ARHGEF40: variants seen among roughly 807,000 people sequenced by gnomAD.
The protein encoded by ARHGEF40 is Rho guanine nucleotide exchange factor (GEF) 40.
Under a neutral mutation model 165.9 loss-of-function variants are expected in ARHGEF40, and 98 were observed. The observed-to-expected ratio is 0.59, with a 90% CI of 0.50 to 0.70. ARHGEF40 has a LOEUF of 0.70. Among genes scored for constraint, ARHGEF40 ranks in the 30% least tolerant of loss-of-function variants. The probability of loss-of-function intolerance (pLI) is 0.00; values close to 1 mark genes in which losing one functional copy is unlikely to be tolerated. For missense variants in ARHGEF40, 1,815 were observed against 1,968.0 expected (o/e 0.92, Z 1.47); for synonymous variants, 792 against 814.3 (o/e 0.97, Z 0.47).
At position 21,085,798 on chromosome 14, in the gene ARHGEF40, C is replaced by T. The variant is rs770499257; in HGVS notation, c.4070C>T (p.Pro1357Leu). The change falls in exon 19 of 24, where the codon CCA (proline) becomes CTA (leucine). Residue 1357 changes from proline (P) to leucine (L), a missense_variant. By Grantham distance (98) the Pro-to-Leu change is moderately conservative (BLOSUM62 -3). Coordinates refer to ENST00000298694, the MANE Select transcript of ARHGEF40 (RefSeq NM_018071.5). The part of the protein sequence containing the change: ...REAYTLQATS[P>L]EIKLKWTSSI... ...GCATACACTCTGCAGGCAACCTCAC[C>T]AGAGATCAAACTCAAGTGGACAAGT... 1 of 1,614,200 alleles carries T rather than the reference C, an allele frequency of 6.2e-7. No individual in the cohort carries two copies. The highest frequency in any genetic ancestry group is 8.5e-7 in the Non-Finnish European group (1 of 1,180,054).
In ARHGEF40 at chr14:21,075,620, C is replaced by T. The variant is rs113362065; in HGVS notation, c.1619-25C>T. 4.3e-6 allele frequency: 7 copies of T among 1,614,050 alleles called. No individual in the cohort carries two copies. The highest frequency in any genetic ancestry group is 1.7e-4 in the Middle Eastern group (1 of 6,056). On this transcript the variant is annotated intron_variant, in intron 4 of 23. Transcript: ENST00000298694. This position sits in a 1 kb window ranked among gnomAD's most constrained non-coding sequence, Gnocchi z 4.5. The stretch of plus-strand genomic sequence containing the variant: ...AGGCATGGACTGCTCCCAGCCAGGA[C>T]AGCCTGGCCATTTTGTGTCTTCAGG...
In ARHGEF40 at chr14:21,085,752, C is replaced by T. The variant is rs767625615; in HGVS notation, c.4024C>T (p.Arg1342Trp). 7.4e-6 allele frequency: 12 copies of T among 1,614,048 alleles called. No homozygotes were observed. In the Admixed American group the frequency reaches 1.5e-4, roughly 20 times the overall value. ...DSGLCFELWF[R>W]RRRAREAYTL... ...CGGACTCTGCTTTGAGTTGTGGTTT[C>T]GGCGGCGGCGTGCACGAGAGGCATA... Residue 1342 changes from arginine (R) to tryptophan (W), a missense_variant, in exon 19 of 24, where the codon CGG (arginine) becomes TGG (tryptophan). Physicochemically the swap from Arg to Trp is moderately radical, Grantham distance 101 (BLOSUM62 -3). Transcript: ENST00000298694.
Position 21,084,751 on chromosome 14 carries a change from A to C in ARHGEF40, c.3790-2A>C. On this transcript the variant is annotated splice_acceptor_variant, in intron 17 of 23. Coordinates refer to ENST00000298694, the MANE Select transcript of ARHGEF40 (RefSeq NM_018071.5). LOFTEE classifies it high-confidence loss of function. ...AACCACTTTTCCTTTTCCTTTCTCC[A>C]GATAGATCTGAAGGAGCAGGGACAG... 1 of 1,612,048 alleles carries C rather than the reference A, an allele frequency of 6.2e-7. No homozygotes were observed. The highest frequency in any genetic ancestry group is 2.2e-5 in the East Asian group (1 of 44,880).
chr14:21,088,694 A>G (rs1888579847), intron 22 of ARHGEF40, 136 bp from the exon 23 acceptor site: 2 of 934,724 alleles, frequency 2.1e-6, no homozygotes, highest in Non-Finnish European at 3.1e-6. Context: ...TAAAAAAATA[A>G]AAGTAAATAG....
chr14:21,070,995 CT>C lies in ARHGEF40; in HGVS notation c.3+598del. ...AGCTGCCTCAGGATAGTTGGGGGTG[CT>C]TGGGGGGGAGCTCACAGTACCAGGG... is the stretch of plus-strand genomic sequence containing the variant. On this transcript the variant is annotated intron_variant, in intron 1 of 23. Transcript: ENST00000298694. The surrounding 1 kb of genome is among the most constrained non-coding windows in gnomAD (Gnocchi z 4.7). 1 of 853,242 alleles carries C rather than the reference CT, an allele frequency of 1.2e-6. No homozygotes were observed. The allele number at this position is 853,242 out of a possible 1,614,324, so 52.9% of individuals were successfully genotyped here.
rs1470553723 is a variant in ARHGEF40 at position 21,075,752 on chromosome 14, C to T, written c.1726C>T (p.His576Tyr). 10 of 1,613,422 alleles carry T rather than the reference C, an allele frequency of 6.2e-6. No homozygotes were observed. The highest frequency in any genetic ancestry group is 8.5e-6 in the Non-Finnish European group (10 of 1,179,894). The stretch of plus-strand genomic sequence containing the variant: ...GCTGAACACAACTCTTCATTACCTC[C>T]ACTCACTGCTCAGGTAACCGAGGCC... ...DTLNTTLHYLHSLLRPDLQTL... is the reference protein window; with the variant it reads ...DTLNTTLHYLYSLLRPDLQTL... Residue 576 changes from histidine to tyrosine, a missense_variant, in exon 5 of 24, where the codon CAC becomes TAC. His to Tyr is a moderately conservative substitution (Grantham distance 83). Transcript: ENST00000298694. This position sits in a 1 kb window ranked among gnomAD's most constrained non-coding sequence, Gnocchi z 4.5.
At chr14:21,080,578 G>A in intron 11 of ARHGEF40, 82 bp from the exon 12 acceptor site, 1 of 1,472,674 alleles carries the variant, frequency 6.8e-7, no homozygotes, top group Admixed American at 2.0e-5. Flanking sequence ...ATAGATTGGG[G>A]TGGTGGGGCT....
At position 21,079,162 on chromosome 14, in the gene ARHGEF40, T is replaced by C. The variant is rs995777629; in HGVS notation, c.2373+152T>C. On this transcript the variant is annotated intron_variant, in intron 11 of 23. Transcript: ENST00000298694. ...TCACATTTGTTGGTCAGTGTGAGAT[T>C]GAACAAGAGGGTGGGAGCATCATAG... 8 of 1,108,272 alleles carry C rather than the reference T, an allele frequency of 7.2e-6. No individual in the cohort carries two copies. In the Admixed American group the frequency reaches 1.1e-4, roughly 15 times the overall value. 68.7% of individuals were successfully genotyped at this position (1,108,272 alleles called of 1,614,324 possible).
In ARHGEF40 at chr14:21,074,956, G is replaced by C; in HGVS notation, c.1226G>C (p.Ser409Thr). 1 of 1,608,722 alleles carries C rather than the reference G, an allele frequency of 6.2e-7. No homozygotes were observed. The highest frequency in any genetic ancestry group is 8.5e-7 in the Non-Finnish European group (1 of 1,177,996). ...AGCCCTGGGGACAAGGAAGATGCCA[G>C]CCACCAAGAAGCCCTTGGCAATCTG... ...PLSPGDKEDA[S>T]HQEALGNLPS... is the part of the protein sequence containing the mutation. The change falls in exon 3 of 24, where the codon AGC (serine) becomes ACC (threonine). Residue 409 changes from serine to threonine, a missense_variant. Transcript: ENST00000298694. The surrounding 1 kb of genome is among the most constrained non-coding windows in gnomAD (Gnocchi z 4.8).
At chr14:21,079,186 A>G (rs1300725298) in intron 11 of ARHGEF40, among the ~76,000 whole-genome samples, 176 bp downstream of exon 11, 1 of 152,210 alleles carries the variant, frequency 6.6e-6, no homozygotes, top group Non-Finnish European at 1.5e-5. Context: ...GGAGCATCAT[A>G]GCACCAGTAA....
upstream of ARHGEF40, among the ~76,000 whole-genome samples, chr14:21,066,834 C>G (rs1279787575): frequency 6.6e-6 from 1 of 152,062 alleles, no homozygotes; most frequent in Non-Finnish European, 1.5e-5. Flanking sequence ...CAAATAAAAC[C>G]AAAACCAATG....
rs578098495 is a variant in ARHGEF40, at chr14:21,082,738, A to T, written c.3487-93A>T. 59 of 1,349,244 alleles carry T rather than the reference A, an allele frequency of 4.4e-5. 1 individual carries two copies. In the Admixed American group the frequency reaches 4.9e-4, roughly 11 times the overall value. 83.6% of individuals were successfully genotyped at this position (1,349,244 alleles called of 1,614,324 possible). A position where few individuals can be genotyped will look rare whatever the true frequency, so the allele number is the denominator to read the frequency against. ...AGTGCTCCCTGGTGACCCATCCCTC[A>T]TTTGGGCTACAGAGAGGATAGAGAG... is the stretch of plus-strand genomic sequence containing the variant. On this transcript the variant is annotated intron_variant, in intron 15 of 23. Coordinates refer to ENST00000298694, the MANE Select transcript of ARHGEF40 (RefSeq NM_018071.5).
chr14:21,083,264 G>A (rs61978227), intron 16 of ARHGEF40, among the ~76,000 whole-genome samples: 5,699 of 152,174 alleles, frequency 0.037, 128 homozygotes, highest in South Asian at 0.086. Flanking sequence ...GGCAGTGGCC[G>A]GGCGCGGTGA....
At position 21,074,266 on chromosome 14, in the gene ARHGEF40, C is replaced by T. The variant is rs770382079; in HGVS notation, c.536C>T (p.Ala179Val). The change falls in exon 3 of 24, where the codon GCT becomes GTT. Residue 179 changes from alanine (A) to valine (V), a missense_variant. Transcript: ENST00000298694. This position sits in a 1 kb window ranked among gnomAD's most constrained non-coding sequence, Gnocchi z 4.8. ...APSGIQRLPWAELICPRFVHK... is the reference protein window; with the variant it reads ...APSGIQRLPWVELICPRFVHK... ...TCTGGGATTCAGCGGCTGCCCTGGG[C>T]TGAGCTCATCTGTCCACGATTTGTG... is the stretch of plus-strand genomic sequence containing the variant. 7 of 1,613,988 alleles carry T rather than the reference C, an allele frequency of 4.3e-6. No individual in the cohort carries two copies. Among genetic ancestry groups the T allele is most frequent in the Non-Finnish European group, 5.9e-6 (7 of 1,180,026 alleles).
Position 21,082,255 on chromosome 14 carries a change from G to A in ARHGEF40, c.3263G>A (p.Arg1088Gln), listed in dbSNP as rs79891168. The part of the protein sequence containing the change: ...ERKRSISAQQ[R>Q]LVSELIACEQ... Reference sequence around the variant, plus strand: ...TATTGTGCCTGCAGTGCCCAGCAGCGGCTGGTGTCTGAGCTGATTGCCTGT... The same window carrying A: ...TATTGTGCCTGCAGTGCCCAGCAGCAGCTGGTGTCTGAGCTGATTGCCTGT... The change falls in exon 15 of 24, where the codon CGG becomes CAG. Residue 1088 changes from arginine to glutamine, a missense_variant. Arg to Gln is a conservative substitution (Grantham distance 43). Transcript: ENST00000298694. 4.3e-5 allele frequency: 69 copies of A among 1,608,070 alleles called. No individual in the cohort carries two copies. Among genetic ancestry groups the A allele is most frequent in the Admixed American group, 1.7e-4 (10 of 59,726 alleles).
At chr14:21,081,333 C>T in intron 13 of ARHGEF40, 176 bp from the exon 14 acceptor site, 2 of 945,158 alleles carry the variant, frequency 2.1e-6, no homozygotes, top group Non-Finnish European at 3.1e-6. Flanking sequence ...CTTCCATCTC[C>T]ATACCAACTC....
At chr14:21,081,345 G>A (rs752453237) in intron 13 of ARHGEF40, 164 bp from the exon 14 acceptor site, 11 of 1,034,224 alleles carry the variant, frequency 1.1e-5, no homozygotes, top group South Asian at 4.8e-5. Flanking sequence ...TACCAACTCC[G>A]AGTGACATGG....
chr14:21,071,657 A>G (rs546746442), intron 1 of ARHGEF40, among the ~76,000 whole-genome samples: 1 of 147,638 alleles, frequency 6.8e-6, no homozygotes, highest in Non-Finnish European at 1.5e-5. Context: ...ACTCTCGCTC[A>G]GCCATGAGCT....
upstream of ARHGEF40, among the ~76,000 whole-genome samples, chr14:21,069,535 C>G (rs890283272): frequency 1.3e-5 from 2 of 152,222 alleles, no homozygotes; most frequent in African/African-American, 4.8e-5. Context: ...AAATGCACGC[C>G]CCTACATAAG....
Sources: allele counts gnomAD v4.1 joint callset (sites outside exome capture counted in the v4.1 genomes callset), GRCh38; gene constraint gnomAD v4.1.1; non-coding constraint Gnocchi (gnomAD v3.1); transcripts MANE v1.5; gene names NCBI Gene and HGNC (gene_info 2026-07-23, HGNC 2026-07-21).